Variants in CRAMP1 observed in about 807,000 individuals in gnomAD.
The protein encoded by CRAMP1 is cramped chromatin regulator 1.
In CRAMP1, 50 loss-of-function variants were observed where a neutral mutation model predicts 115.4. The ratio of observed to expected loss-of-function variants is 0.43; its 90% CI spans 0.35 to 0.55. The LOEUF is 0.55. Ranked by LOEUF, CRAMP1 falls within the 20% of genes least tolerant of loss-of-function variation. CRAMP1 has a pLI of 0.01. For missense variants in CRAMP1, 1,679 were observed against 1,721.7 expected, an observed-to-expected ratio of 0.98 and a Z score of 0.44; for synonymous variants, 866 against 745.4, an observed-to-expected ratio of 1.16 and a Z score of -2.64.
chr16:1,634,191 G>A (rs755595439), intron 4 of CRAMP1, among the ~76,000 whole-genome samples: 2 of 152,256 alleles, frequency 1.3e-5, no homozygotes, highest in African/African-American at 4.8e-5. Context: ...CAGGAGCTTC[G>A]GTCTAGTGTG....
At chr16:1,659,776 C>G in intron 10 of CRAMP1, 110 bp from the exon 11 acceptor site, 1 of 1,065,386 alleles carries the variant, frequency 9.4e-7, no homozygotes, top group South Asian at 1.3e-5. Context: ...GCCGTCATGA[C>G]ACTGTGCTTT....
intron 11 of CRAMP1, 157 bp from the exon 12 acceptor site, chr16:1,662,333 C>T (rs2036839071): frequency 3.2e-6 from 2 of 627,460 alleles, no homozygotes; most frequent in Non-Finnish European, 5.6e-6. Context: ...GAAAATCAGT[C>T]TTTATGTGGG....
rs1193029475 is a variant in CRAMP1 at position 1,614,784 on chromosome 16, G to T, written c.145G>T (p.Glu49Ter). 1.5e-6 allele frequency: 2 copies of T among 1,349,206 alleles called. No individual in the cohort carries two copies. The highest frequency in any genetic ancestry group is 1.5e-5 in the African/African-American group (1 of 66,186). The allele number at this position is 1,349,206 out of a possible 1,614,324, so 83.6% of individuals were successfully genotyped here. A position where few individuals can be genotyped will look rare whatever the true frequency, so the allele number is the denominator to read the frequency against. The change falls in exon 2 of 21, where the codon GAG (glutamate) becomes TAG (stop). Residue 49 changes from glutamate (E) to a stop codon, truncating the protein, a stop_gained. Transcript: ENST00000397412. LOFTEE classifies it high-confidence loss of function. The surrounding 1 kb of genome is among the most constrained non-coding windows in gnomAD (Gnocchi z 4.4). ...AEESSGTKRDEKTPRAGADGP... is the reference protein window; with the variant it reads ...AEESSGTKRD ...GGAGAGCAGCGGCACAAAGAGGGAC[G>T]AGAAGACCCCCCGGGCCGGCGCCGA...
At chr16:1,650,250 T>C (rs1209837348) in intron 6 of CRAMP1, among the ~76,000 whole-genome samples, 1 of 152,214 alleles carries the variant, frequency 6.6e-6, no homozygotes, top group Admixed American at 6.5e-5. Flanking sequence ...GAGATTGTGG[T>C]GTCACCCTTT....
intron 2 of CRAMP1, among the ~76,000 whole-genome samples, chr16:1,620,239 C>T (rs138794905): frequency 2.6e-5 from 4 of 152,280 alleles, no homozygotes; most frequent in Non-Finnish European, 5.9e-5. Flanking sequence ...GAGGTGGACG[C>T]GTTGGACCTC....
Position 1,652,570 on chromosome 16 carries a change from G to A in CRAMP1, c.902G>A (p.Cys301Tyr). ...APMCRALKKL[C>Y]DPDGLSDEED... is the part of the protein sequence containing the mutation. Reference sequence around the variant, plus strand: ...ATGTGCCGGGCCCTGAAGAAGCTGTGCGATCCAGATGGTAAGTGAATGGGG... The same window carrying A: ...ATGTGCCGGGCCCTGAAGAAGCTGTACGATCCAGATGGTAAGTGAATGGGG... The change falls in exon 7 of 21, where the codon TGC (cysteine) becomes TAC (tyrosine). Residue 301 changes from cysteine (C) to tyrosine (Y), a missense_variant. Cys to Tyr is a radical substitution (Grantham distance 194). Transcript: ENST00000397412. The A allele has an allele frequency of 1.3e-6, 2 of 1,552,766 alleles. No individual in the cohort carries two copies. The highest frequency in any genetic ancestry group is 8.7e-7 in the Non-Finnish European group (1 of 1,147,510).
Position 1,653,075 on chromosome 16 carries a change from T to C in CRAMP1, c.956T>C (p.Leu319Pro). Residue 319 changes from leucine (L) to proline (P), a missense_variant, in exon 8 of 21, where the codon CTG (leucine) becomes CCG (proline). Around this residue, in one of 8 missense-constraint regions of CRAMP1, gnomAD observed 191 missense variants for 236.2 expected, o/e 0.81. Coordinates refer to ENST00000397412, the MANE Select transcript of CRAMP1 (RefSeq NM_020825.4). The part of the protein sequence containing the change: ...EEDQKPVRLP[L>P]KVPIELQPRN... ...GACCAGAAGCCAGTGCGCCTGCCTC[T>C]GAAAGTCCCTATAGAGCTACAGCCG... The C allele has an allele frequency of 6.2e-7, 1 of 1,613,280 alleles. No individual in the cohort carries two copies. The highest frequency in any genetic ancestry group is 8.5e-7 in the Non-Finnish European group (1 of 1,179,612).
intron 5 of CRAMP1, among the ~76,000 whole-genome samples, chr16:1,639,787 G>A (rs1020295356): frequency 2.0e-5 from 3 of 152,164 alleles, no homozygotes; most frequent in African/African-American, 7.2e-5. Context: ...AGGGAATAGC[G>A]TGTCTGGTCC....
chr16:1,632,158 A>G (rs1228555714), intron 3 of CRAMP1, 54 bp from the exon 4 acceptor site: 1 of 1,519,640 alleles, frequency 6.6e-7, no homozygotes, highest in Non-Finnish European at 8.9e-7. Context: ...CAGTTAACAC[A>G]GAAAGCTGCA....
chr16:1,643,446 C>G (rs1258715546), intron 6 of CRAMP1, among the ~76,000 whole-genome samples: 8 of 151,860 alleles, frequency 5.3e-5, no homozygotes, highest in Admixed American at 5.2e-4. Flanking sequence ...GAGGCTGAGG[C>G]AGGAGAATCG....
rs751986801 is a variant in CRAMP1, at chr16:1,632,359, G to A, written c.688G>A (p.Asp230Asn). The A allele has an allele frequency of 7.9e-5, 126 of 1,589,926 alleles. No individual in the cohort carries two copies. Among genetic ancestry groups the A allele is most frequent in the Non-Finnish European group, 1.0e-4 (121 of 1,168,766 alleles). The change falls in exon 4 of 21, where the codon GAT becomes AAT. Residue 230 changes from aspartate to asparagine, a missense_variant. This residue lies in a region of CRAMP1 where 42 missense variants were observed against 42.3 expected (regional missense o/e 0.99). Coordinates refer to ENST00000397412, the MANE Select transcript of CRAMP1 (RefSeq NM_020825.4). Reference protein sequence around the residue: ...WHKITKYIDFDHVFSRGLKKS... With the variant: ...WHKITKYIDFNHVFSRGLKKS... ...CAAGATCACCAAGTACATCGACTTTGATCATGGTGAGTGTGCCACGGGCCA... is the reference window on the plus strand; with the variant it reads ...CAAGATCACCAAGTACATCGACTTTAATCATGGTGAGTGTGCCACGGGCCA...
chr16:1,629,244 G>A (rs2036529952), intron 3 of CRAMP1, among the ~76,000 whole-genome samples: 1 of 151,388 alleles, frequency 6.6e-6, no homozygotes, highest in Admixed American at 6.6e-5. Flanking sequence ...GCTTCGCAGT[G>A]TTCCCCTTCT....
At position 1,674,924 on chromosome 16, in the gene CRAMP1, A is replaced by C. The variant is rs1335919551; in HGVS notation, c.*879A>C. The C allele has an allele frequency of 1.3e-5, 2 of 152,178 alleles. No homozygotes were observed. Among genetic ancestry groups the C allele is most frequent in the African/African-American group, 4.8e-5 (2 of 41,422 alleles). 9.4% of individuals were successfully genotyped at this position (152,178 alleles called of 1,614,324 possible). A position where few individuals can be genotyped will look rare whatever the true frequency, so the allele number is the denominator to read the frequency against. On this transcript the variant is annotated 3_prime_UTR_variant, in exon 21 of 21. Coordinates refer to ENST00000397412, the MANE Select transcript of CRAMP1 (RefSeq NM_020825.4). ...AGGCGCTAATATGATTACAGCGAAG[A>C]CTTTCCTGATAAGTTCTCAAACTCG...
At chr16:1,654,294 C>T (rs2142196831) in intron 8 of CRAMP1, among the ~76,000 whole-genome samples, 1 of 151,488 alleles carries the variant, frequency 6.6e-6, no homozygotes, top group South Asian at 2.1e-4. Flanking sequence ...TCACTGCAAC[C>T]TCCGTCTCCC....
intron 10 of CRAMP1, 27 bp from the exon 11 acceptor site, chr16:1,659,859 A>T: frequency 1.2e-6 from 2 of 1,609,596 alleles, no homozygotes; most frequent in Non-Finnish European, 8.5e-7. Context: ...CTGAGTTTGG[A>T]CATTGTTTGG....
intron 2 of CRAMP1, among the ~76,000 whole-genome samples, chr16:1,616,346 C>T (rs543796657): frequency 1.3e-5 from 2 of 152,352 alleles, no homozygotes; most frequent in South Asian, 4.1e-4. Context: ...CCCCATGTCC[C>T]TGGCCTCCAA....
At chr16:1,628,959 G>A (rs531064912) in intron 3 of CRAMP1, among the ~76,000 whole-genome samples, 13 of 152,216 alleles carry the variant, frequency 8.5e-5, no homozygotes, top group African/African-American at 2.9e-4. Context: ...TCCAGTTATG[G>A]CCCGTCCAGA....
Position 1,674,151 on chromosome 16 carries a change from C to A in CRAMP1, c.*106C>A. The A allele has an allele frequency of 8.7e-7, 1 of 1,146,512 alleles. No individual in the cohort carries two copies. Among genetic ancestry groups the A allele is most frequent in the Non-Finnish European group, 1.2e-6 (1 of 819,704 alleles). The allele number at this position is 1,146,512 out of a possible 1,614,324, so 71.0% of individuals were successfully genotyped here. A position where few individuals can be genotyped will look rare whatever the true frequency, so the allele number is the denominator to read the frequency against. On this transcript the variant is annotated 3_prime_UTR_variant, in exon 21 of 21. Transcript: ENST00000397412. ...AACAGAGGCATCTCCGCACCCAAGACTGTGCAACGGGCAGGAACGTGGTCA... is the reference window on the plus strand; with the variant it reads ...AACAGAGGCATCTCCGCACCCAAGAATGTGCAACGGGCAGGAACGTGGTCA...
intron 10 of CRAMP1, 44 bp from the exon 11 acceptor site, chr16:1,659,842 T>G (rs771686895): frequency 6.7e-5 from 106 of 1,579,804 alleles, no homozygotes; most frequent in Non-Finnish European, 8.4e-5. Flanking sequence ...GAGCCATTTC[T>G]CATGTGCTGA....
Sources: gnomAD v4.1 joint callset for allele counts (sites outside exome capture counted in the v4.1 genomes callset) on GRCh38, gnomAD v4.1.1 for gene constraint, gnomAD v4.1.1 regional missense constraint, Gnocchi (gnomAD v3.1) non-coding constraint, MANE v1.5 for transcripts, NCBI Gene and HGNC (gene_info 2026-07-23, HGNC 2026-07-21) for gene names.